Variants in CLTCL1 observed in about 807,000 individuals in gnomAD.
CLTCL1 encodes clathrin heavy chain like 1.
Under a neutral mutation model 190.0 loss-of-function variants are expected in CLTCL1, and 159 were observed. That is an observed-to-expected ratio of 0.84 (90% CI 0.74 to 0.95). The LOEUF (loss-of-function observed/expected upper bound fraction) is 0.95, where lower values mean the gene tolerates loss of function less well. Ranked by LOEUF, CLTCL1 falls within the 40% of genes least tolerant of loss-of-function variation. The pLI is 0.00. For synonymous variants in CLTCL1, 752 were observed against 769.6 expected (o/e 0.98, Z 0.38); for missense variants, 1,878 against 2,033.4 (o/e 0.92, Z 1.47).
chr22:19,215,492 A>G (rs2085353569), intron 19 of CLTCL1, among the ~76,000 whole-genome samples: 1 of 152,046 alleles, frequency 6.6e-6, no homozygotes, highest in Non-Finnish European at 1.5e-5. Context: ...TGCCCATGCA[A>G]AAGAAGCACG....
Position 19,179,968 on chromosome 22 carries a change from G to A in CLTCL1, c.*22C>T, listed in dbSNP as rs1458488582. The A allele has an allele frequency of 3.5e-6, 2 of 569,674 alleles. No individual in the cohort carries two copies. Among genetic ancestry groups the A allele is most frequent in the Non-Finnish European group, 3.1e-6 (1 of 319,682 alleles). 35.3% of individuals were successfully genotyped at this position (569,674 alleles called of 1,614,324 possible). On this transcript the variant is annotated splice_region_variant and 3_prime_UTR_variant, in exon 33 of 33. Coordinates refer to ENST00000427926, the MANE Select transcript of CLTCL1 (RefSeq NM_007098.4). Reference sequence around the variant, plus strand: ...TGGCAGGGGCTGGGCCCACGGCAGGGCCTGCAGAGGGGGAAGCCCACAATG... The same window carrying A: ...TGGCAGGGGCTGGGCCCACGGCAGGACCTGCAGAGGGGGAAGCCCACAATG...
chr22:19,245,340 C>T (rs868995484), intron 3 of CLTCL1, among the ~76,000 whole-genome samples: 9 of 151,828 alleles, frequency 5.9e-5, no homozygotes, highest in Non-Finnish European at 1.3e-4. Flanking sequence ...ACCACAGGCG[C>T]GTGCAAGCAT....
At position 19,191,319 on chromosome 22, in the gene CLTCL1, G is replaced by GAA; in HGVS notation, c.4307_4308insTT (p.Phe1438ValfsTer12). On this transcript the variant is annotated frameshift_variant, in exon 27 of 33. Coordinates refer to ENST00000427926, the MANE Select transcript of CLTCL1 (RefSeq NM_007098.4). LOFTEE classifies it high-confidence loss of function. ...GTTGACTCACCTTTGAAAAGAAACT[G>GAA]ACTGTCCAGGTGTGGTCCAGCCGGG... The GAA allele has an allele frequency of 6.2e-7, 1 of 1,613,970 alleles. No individual in the cohort carries two copies. The highest frequency in any genetic ancestry group is 8.5e-7 in the Non-Finnish European group (1 of 1,179,894).
chr22:19,218,814 T>A (rs1285422354), intron 18 of CLTCL1, among the ~76,000 whole-genome samples: 2 of 152,224 alleles, frequency 1.3e-5, no homozygotes, highest in Admixed American at 1.3e-4. Flanking sequence ...GACTCCCACC[T>A]GCCAGGCCAT....
At chr22:19,217,341 C>G (rs1555950007) in intron 18 of CLTCL1, among the ~76,000 whole-genome samples, 1 of 152,074 alleles carries the variant, frequency 6.6e-6, no homozygotes, top group African/African-American at 2.4e-5. Flanking sequence ...TGGAGGCCGG[C>G]CGCGGTGGCT....
intron 16 of CLTCL1, 141 bp from the exon 17 acceptor site, chr22:19,221,752 G>T (rs2085577956): frequency 1.0e-6 from 1 of 979,804 alleles, no homozygotes; most frequent in Non-Finnish European, 1.5e-6. Flanking sequence ...GACCAAGATG[G>T]ACCTGGTTTC....
intron 22 of CLTCL1, among the ~76,000 whole-genome samples, chr22:19,201,891 T>C (rs185226238): frequency 6.6e-6 from 1 of 152,258 alleles, no homozygotes; most frequent in East Asian, 1.9e-4. Context: ...TAGTTCCTGA[T>C]GCCATTTACA....
At chr22:19,253,937 C>G in intron 3 of CLTCL1, 22 bp downstream of exon 3, 2 of 1,607,238 alleles carry the variant, frequency 1.2e-6, no homozygotes, top group African/African-American at 2.7e-5. Flanking sequence ...AGACCAGCCC[C>G]TAAAGGCAGC....
chr22:19,276,836 T>C (rs1379227143), intron 1 of CLTCL1, among the ~76,000 whole-genome samples: 1 of 151,956 alleles, frequency 6.6e-6, no homozygotes, highest in Non-Finnish European at 1.5e-5. Flanking sequence ...CGCCTGGCTA[T>C]TTTTTGTATT....
At chr22:19,212,917 G>A (rs1310806404) in intron 19 of CLTCL1, among the ~76,000 whole-genome samples, 1 of 152,164 alleles carries the variant, frequency 6.6e-6, no homozygotes, top group Non-Finnish European at 1.5e-5. Flanking sequence ...TGACCTGGGA[G>A]TATTAACAGA....
intron 22 of CLTCL1, among the ~76,000 whole-genome samples, chr22:19,202,375 A>C (rs1200591386): frequency 1.3e-5 from 2 of 150,570 alleles, no homozygotes; most frequent in South Asian, 2.1e-4. Flanking sequence ...TCCGCCATCC[A>C]CAGCACCTCC....
chr22:19,267,656 G>A (rs1007778578), intron 2 of CLTCL1, among the ~76,000 whole-genome samples: 2 of 152,160 alleles, frequency 1.3e-5, no homozygotes, highest in South Asian at 4.1e-4. Flanking sequence ...TACTTTGTGA[G>A]GCTGAGGCAG....
At chr22:19,242,359 G>A (rs2086282552) in intron 4 of CLTCL1, among the ~76,000 whole-genome samples, 1 of 151,468 alleles carries the variant, frequency 6.6e-6, no homozygotes, top group Non-Finnish European at 1.5e-5. Context: ...GTGCGATCTC[G>A]ACTCACTGCA....
chr22:19,212,575 AAGAAAGAAAG>A (rs1402587802), intron 19 of CLTCL1, among the ~76,000 whole-genome samples: 1 of 147,642 alleles, frequency 6.8e-6, no homozygotes, highest in Admixed American at 6.8e-5. Context: ...AAGAGAAAGA[AAGAAAGAAAG>A]AGAAAGAAAG....
At chr22:19,227,449 CTTTT>C (rs1216657802) in intron 11 of CLTCL1, among the ~76,000 whole-genome samples, 1 of 125,306 alleles carries the variant, frequency 8.0e-6, no homozygotes. Flanking sequence ...CACCTGGCTA[CTTTT>C]TTTTTTTTTT....
chr22:19,185,786 G>A (rs2084297491), intron 29 of CLTCL1, among the ~76,000 whole-genome samples: 2 of 152,322 alleles, frequency 1.3e-5, no homozygotes, highest in Non-Finnish European at 2.9e-5. Flanking sequence ...GTGTGTTTAA[G>A]CCCCTGACAG....
chr22:19,230,621 C>T (rs2085891455), intron 10 of CLTCL1, among the ~76,000 whole-genome samples: 1 of 152,124 alleles, frequency 6.6e-6, no homozygotes, highest in Non-Finnish European at 1.5e-5. Context: ...AATCATATCA[C>T]CTACATCATA....
chr22:19,201,525 C>T (rs1555939600), intron 22 of CLTCL1, 32 bp from the exon 23 acceptor site: 1 of 1,421,612 alleles, frequency 7.0e-7, no homozygotes, highest in Non-Finnish European at 9.3e-7. Flanking sequence ...GACTGAGACA[C>T]TCTTCAATGG....
At chr22:19,186,605 CT>C (rs1207948444) in intron 29 of CLTCL1, among the ~76,000 whole-genome samples, 31 of 102,192 alleles carry the variant, frequency 3.0e-4, no homozygotes, top group Admixed American at 2.2e-3. Context: ...TATTTTTTTC[CT>C]TTTTTTTTTT....
Sources: gnomAD v4.1 joint callset for allele counts (sites outside exome capture counted in the v4.1 genomes callset) on GRCh38, gnomAD v4.1.1 for gene constraint, MANE v1.5 for transcripts, NCBI Gene and HGNC (gene_info 2026-07-23, HGNC 2026-07-21) for gene names.